Variants in SPATA16 observed in about 807,000 individuals in gnomAD.
The protein encoded by SPATA16 is spermatogenesis associated 16.
Under a neutral mutation model 63.3 loss-of-function variants are expected in SPATA16, and 36 were observed. That is an observed-to-expected ratio of 0.57 (90% confidence interval 0.44 to 0.75). The LOEUF (loss-of-function observed/expected upper bound fraction) is 0.75. Ranked by LOEUF, SPATA16 falls within the 30% of genes least tolerant of loss-of-function variation. The pLI is 0.00. For missense variants in SPATA16, 646 were observed against 679.3 expected (o/e 0.95, Z 0.54); for synonymous variants, 203 against 216.7 (o/e 0.94, Z 0.56).
chr3:173,075,688 C>A lies in SPATA16; in HGVS notation c.613-26594G>T, dbSNP rs147361295. ...GACAGGCACAGAAAGACAAATATCA[C>A]AGGTCCTCACTAACATGTTGAAGCT... is the stretch of plus-strand genomic sequence containing the variant. On this transcript the variant is annotated intron_variant, in intron 2 of 10. Coordinates refer to ENST00000351008, the MANE Select transcript of SPATA16 (RefSeq NM_031955.6). Among the ~76,000 whole-genome samples, 442 of 152,166 alleles carry A rather than the reference C, an allele frequency of 2.9e-3. 4 individuals are homozygous for A. The highest frequency in any genetic ancestry group is 0.01 in the African/African-American group (418 of 41,508).
At chr3:172,925,864 C>T (rs1276356356) in intron 6 of SPATA16, among the ~76,000 whole-genome samples, 4 of 151,916 alleles carry the variant, frequency 2.6e-5, no homozygotes, top group African/African-American at 7.3e-5. Context: ...TTGCTCTTGT[C>T]GCCCAGGCTG....
At chr3:173,001,265 G>GTTTTTTTTTTTTTTTTTTTTTTTT (rs1553790831) in intron 4 of SPATA16, among the ~76,000 whole-genome samples, 1 of 133,972 alleles carries the variant, frequency 7.5e-6, no homozygotes. Context: ...ATGCTTCTCA[G>GTTTTTTTTTTTTTTTTTTTTTTTT]TTGTTTTTTT....
intron 2 of SPATA16, among the ~76,000 whole-genome samples, chr3:173,112,627 T>C (rs531627836): frequency 9.2e-5 from 14 of 152,284 alleles, no homozygotes; most frequent in Admixed American, 9.2e-4. Context: ...ATGTAAATAA[T>C]CCCAGAATGT....
intron 1 of SPATA16, among the ~76,000 whole-genome samples, chr3:173,132,677 T>C (rs1430942059): frequency 1.3e-5 from 2 of 152,208 alleles, no homozygotes; most frequent in Non-Finnish European, 1.5e-5. Context: ...CAAGGATTCA[T>C]GTTTAATTTG....
At chr3:173,088,170 C>T (rs147488796) in intron 2 of SPATA16, among the ~76,000 whole-genome samples, 11 of 149,780 alleles carry the variant, frequency 7.3e-5, no homozygotes, top group African/African-American at 2.0e-4. Context: ...CTGCAACCTC[C>T]GCCTCCCAGG....
chr3:173,121,193 A>C (rs1484027696), intron 1 of SPATA16, among the ~76,000 whole-genome samples: 13 of 150,820 alleles, frequency 8.6e-5, no homozygotes, highest in Admixed American at 8.6e-4. Flanking sequence ...ACTTTATTTC[A>C]GCTGTACAGC....
chr3:173,098,142 G>GAA (rs144406647), intron 2 of SPATA16, among the ~76,000 whole-genome samples: 11 of 143,112 alleles, frequency 7.7e-5, no homozygotes, highest in African/African-American at 1.5e-4. Flanking sequence ...TCCCAGAAGT[G>GAA]AAAAAAAAAA....
Position 173,117,420 on chromosome 3 carries a change from G to A in SPATA16, c.312C>T (p.Asp104=). ...RKKQAKITEL[D]NQLITMPLPH... ...GCAGAGGCATGGTGATTAACTGATT[G>A]TCAAGTTCTGTTATCTTTGCCTGTT... is the stretch of plus-strand genomic sequence containing the variant. Residue 104 remains aspartate, a synonymous_variant, in exon 2 of 11, where the codon GAC becomes GAT. Coordinates refer to ENST00000351008, the MANE Select transcript of SPATA16 (RefSeq NM_031955.6). 6.2e-7 allele frequency: 1 copy of A among 1,614,126 alleles called. No homozygotes were observed. The highest frequency in any genetic ancestry group is 1.1e-5 in the South Asian group (1 of 91,088).
chr3:173,099,764 G>T (rs1275222825), intron 2 of SPATA16, among the ~76,000 whole-genome samples: 1 of 152,184 alleles, frequency 6.6e-6, no homozygotes, highest in Non-Finnish European at 1.5e-5. Context: ...GTGGGGGTGA[G>T]CTGATGATTG....
chr3:172,962,078 C>T (rs752386731), intron 5 of SPATA16, among the ~76,000 whole-genome samples: 3 of 151,828 alleles, frequency 2.0e-5, no homozygotes, highest in Admixed American at 1.3e-4. Context: ...CATGGTGAAA[C>T]CCTGTCTCAA....
chr3:173,066,009 T>C (rs2861068), intron 2 of SPATA16, among the ~76,000 whole-genome samples: 35,621 of 152,052 alleles, frequency 0.23, 5,600 homozygotes, highest in African/African-American at 0.46. Context: ...ACACTGGCCA[T>C]GGTAGTCAAG....
At chr3:173,112,079 T>C (rs1737763379) in intron 2 of SPATA16, among the ~76,000 whole-genome samples, 1 of 152,190 alleles carries the variant, frequency 6.6e-6, no homozygotes, top group African/African-American at 2.4e-5. Context: ...AGATGGTAAT[T>C]TTTGTAATGT....
At chr3:173,053,092 ATCC>A (rs1162893526) in intron 2 of SPATA16, among the ~76,000 whole-genome samples, 1 of 152,214 alleles carries the variant, frequency 6.6e-6, no homozygotes, top group African/African-American at 2.4e-5. Flanking sequence ...ACAGTGCCTC[ATCC>A]CTGTAATACC....
At chr3:172,961,046 T>G (rs796407654) in intron 5 of SPATA16, among the ~76,000 whole-genome samples, 1 of 91,708 alleles carries the variant, frequency 1.1e-5, no homozygotes. Context: ...CTTTCTTTCT[T>G]TCTTCTTTCT....
intron 2 of SPATA16, among the ~76,000 whole-genome samples, chr3:173,095,634 A>G (rs1431977443): frequency 6.6e-6 from 1 of 152,154 alleles, no homozygotes; most frequent in African/African-American, 2.4e-5. Context: ...TGACTAAGCC[A>G]TTATTGACAG....
At chr3:172,923,579 A>G (rs1166905840) in intron 8 of SPATA16, among the ~76,000 whole-genome samples, 5 of 152,222 alleles carry the variant, frequency 3.3e-5, no homozygotes, top group African/African-American at 1.2e-4. Flanking sequence ...TAGCCTATTA[A>G]TGAGAAGTTC....
At chr3:173,054,099 C>A (rs1736160914) in intron 2 of SPATA16, among the ~76,000 whole-genome samples, 1 of 151,796 alleles carries the variant, frequency 6.6e-6, no homozygotes, top group Non-Finnish European at 1.5e-5. Context: ...TATATTATTA[C>A]ATGTTACAAT....
At chr3:173,100,522 G>T (rs931078747) in intron 2 of SPATA16, among the ~76,000 whole-genome samples, 12 of 151,876 alleles carry the variant, frequency 7.9e-5, no homozygotes, top group Non-Finnish European at 1.3e-4. Context: ...ACTTTTCATC[G>T]TTCTGCTTGG....
At chr3:173,030,865 G>A (rs73044904) in intron 3 of SPATA16, among the ~76,000 whole-genome samples, 1,910 of 152,016 alleles carry the variant, frequency 0.013, 43 homozygotes, top group African/African-American at 0.044. Flanking sequence ...ACAAAACATG[G>A]TATCTAACAT....
Sources: gnomAD v4.1 joint callset for allele counts (sites outside exome capture counted in the v4.1 genomes callset) on GRCh38, gnomAD v4.1.1 for gene constraint, MANE v1.5 for transcripts, NCBI Gene and HGNC (gene_info 2026-07-23, HGNC 2026-07-21) for gene names.